Variants in CPNE9 observed in about 807,000 individuals in gnomAD.
The protein encoded by CPNE9 is copine family member 9.
Under a neutral mutation model 83.0 loss-of-function variants are expected in CPNE9, and 59 were observed. The observed-to-expected ratio is 0.71, with a 90% CI of 0.58 to 0.88. The LOEUF (loss-of-function observed/expected upper bound fraction) is 0.88. Ranked by LOEUF, CPNE9 falls within the 40% of genes least tolerant of loss-of-function variation. The pLI is 0.00. For synonymous variants in CPNE9, 256 were observed against 273.4 expected, an observed-to-expected ratio of 0.94 and a Z score of 0.63; for missense variants, 619 against 720.8, an observed-to-expected ratio of 0.86 and a Z score of 1.62.
intron 19 of CPNE9, 68 bp downstream of exon 19, chr3:9,726,790 C>T: frequency 7.2e-7 from 1 of 1,397,726 alleles, no homozygotes; most frequent in Admixed American, 1.7e-5. Flanking sequence ...GGGTCGGGTA[C>T]TTGGGCCTGC....
At chr3:9,718,717 G>A (rs1239894570) in intron 17 of CPNE9, 115 bp downstream of exon 17, 1 of 1,309,544 alleles carries the variant, frequency 7.6e-7, no homozygotes, top group Admixed American at 2.1e-5. Flanking sequence ...GTAAACAGGA[G>A]AGGCCAGGCA....
chr3:9,717,151 A>T, intron 15 of CPNE9, 47 bp downstream of exon 15: 1 of 1,602,108 alleles, frequency 6.2e-7, no homozygotes, highest in South Asian at 1.1e-5. Context: ...AGGCACTTCT[A>T]AGGGAGTCAT....
At chr3:9,705,072 G>A (rs566627718) in intron 4 of CPNE9, 78 bp downstream of exon 4, 7 of 994,214 alleles carry the variant, frequency 7.0e-6, no homozygotes, top group South Asian at 2.8e-5. Flanking sequence ...CCCCACCCCC[G>A]CCTCGCCTCC....
Position 9,707,352 on chromosome 3 carries a change from CAAAAAAAAAAAA to C in CPNE9, c.377+1301_377+1312del, listed in dbSNP as rs779965477. ...TGGGCAACAGAGCGAGATTCTGTCT[CAAAAAAAAAAAA>C]AAAAAAAAAAAGAATAAACCTTGGG... On this transcript the variant is annotated intron_variant, in intron 7 of 20. Transcript: ENST00000383832. Among the ~76,000 whole-genome samples, 4 of 50,976 alleles carry C rather than the reference CAAAAAAAAAAAA, an allele frequency of 7.8e-5. No homozygotes were observed. In the Admixed American group the frequency reaches 8.0e-4, roughly 10 times the overall value. The allele number at this position is 50,976 out of a possible 152,430, so 33.4% of individuals were successfully genotyped here.
rs1298848609 is a variant in CPNE9 at position 9,704,942 on chromosome 3, A to C, written c.208A>C (p.Lys70Gln). 1 of 1,613,436 alleles carries C rather than the reference A, an allele frequency of 6.2e-7. No homozygotes were observed. Among genetic ancestry groups the C allele is most frequent in the Non-Finnish European group, 8.5e-7 (1 of 1,179,912 alleles). ...DNTLNPDFVR[K>Q]FVLDYFFEEK... ...CACGCTGAACCCAGACTTCGTGCGC[A>C]AATTCGTCCTCGACTATTTCTTTGA... is the stretch of plus-strand genomic sequence containing the variant. The change falls in exon 4 of 21, where the codon AAA becomes CAA. Residue 70 changes from lysine (K) to glutamine (Q), a missense_variant. Lys to Gln is a moderately conservative substitution (Grantham distance 53). Around this residue, in one of 3 missense-constraint regions of CPNE9, gnomAD observed 130 missense variants for 117.5 expected, o/e 1.11. Transcript: ENST00000383832. This position sits in a 1 kb window ranked among gnomAD's most constrained non-coding sequence, Gnocchi z 7.1.
chr3:9,709,364 ATTTT>A (rs1199207151), intron 7 of CPNE9, among the ~76,000 whole-genome samples: 1 of 137,070 alleles, frequency 7.3e-6, no homozygotes, highest in Non-Finnish European at 1.6e-5. Flanking sequence ...TAAGTTTATA[ATTTT>A]TTTTTTTTTT....
At position 9,716,033 on chromosome 3, in the gene CPNE9, AG is replaced by A; in HGVS notation, c.884+1del. The A allele has an allele frequency of 6.2e-7, 1 of 1,608,196 alleles. No individual in the cohort carries two copies. The highest frequency in any genetic ancestry group is 1.7e-5 in the Admixed American group (1 of 59,390). On this transcript the variant is annotated frameshift_variant and splice_region_variant, in exon 14 of 21. Coordinates refer to ENST00000383832, the MANE Select transcript of CPNE9 (RefSeq NM_153635.3). LOFTEE classifies it high-confidence loss of function. ...TCACTTTTGTTGATTACATCAAGGG[AG>A]GGTGAGTCACAGGCCAAGCTCTGGG... ...EFTFVDYIKGGTQLNFTVAID... is the reference protein window; with the variant it reads ...EFTFVDYIKGXTQLNFTVAID...
At chr3:9,705,681 C>T (rs758124402) in intron 5 of CPNE9, 37 bp from the exon 6 acceptor site, 4 of 1,613,694 alleles carry the variant, frequency 2.5e-6, no homozygotes, top group Non-Finnish European at 3.4e-6. Context: ...ACTCACTGTT[C>T]CTCTTCCTTC....
chr3:9,728,726 GTTT>G lies in CPNE9; in HGVS notation c.1477-775_1477-773del, dbSNP rs1037231311. Among the ~76,000 whole-genome samples the G allele has an allele frequency of 3.3e-5, 5 of 151,906 alleles. No individual in the cohort carries two copies. In the East Asian group the frequency reaches 7.7e-4, roughly 23 times the overall value. Reference sequence around the variant, plus strand: ...AGTCATTAGAAACAGATTTTCTTTTGTTTTTTTTCTCCCTTATCAGCCCCTCTC... The same window carrying G: ...AGTCATTAGAAACAGATTTTCTTTTGTTTTTCTCCCTTATCAGCCCCTCTC... On this transcript the variant is annotated intron_variant, in intron 20 of 20. Coordinates refer to ENST00000383832, the MANE Select transcript of CPNE9 (RefSeq NM_153635.3).
In CPNE9 at chr3:9,726,655, TC is replaced by T; in HGVS notation, c.1345-6del. 1.2e-6 allele frequency: 2 copies of T among 1,612,568 alleles called. No individual in the cohort carries two copies. The highest frequency in any genetic ancestry group is 2.2e-5 in the South Asian group (2 of 91,032). ...GCTTGCCCCAACAGTTCACCCTCTT[TC>T]CCCTACAGGCCTCCTCATTGCCCAT... On this transcript the variant is annotated splice_polypyrimidine_tract_variant and intron_variant, in intron 18 of 20. Coordinates refer to ENST00000383832, the MANE Select transcript of CPNE9 (RefSeq NM_153635.3).
chr3:9,705,588 G>A, intron 5 of CPNE9, 88 bp downstream of exon 5: 1 of 1,562,998 alleles, frequency 6.4e-7, no homozygotes, highest in Non-Finnish European at 8.8e-7. Context: ...CCCAACCCTC[G>A]ACCCAGACCC....
chr3:9,726,534 G>A lies in CPNE9; in HGVS notation c.1345-131G>A, dbSNP rs140753443. 83 of 699,294 alleles carry A rather than the reference G, an allele frequency of 1.2e-4. 1 individual carries two copies. The African/African-American group carries it at 1.3e-3, about 11-fold the overall frequency. The allele number at this position is 699,294 out of a possible 1,614,324, so 43.3% of individuals were successfully genotyped here. Reference sequence around the variant, plus strand: ...ATCCTTGAAAAAGTAGTCTGGGGCAGAGAAAATCAAGGTGCCTCTGCTTAC... The same window carrying A: ...ATCCTTGAAAAAGTAGTCTGGGGCAAAGAAAATCAAGGTGCCTCTGCTTAC... On this transcript the variant is annotated intron_variant, in intron 18 of 20. Coordinates refer to ENST00000383832, the MANE Select transcript of CPNE9 (RefSeq NM_153635.3).
intron 7 of CPNE9, among the ~76,000 whole-genome samples, chr3:9,707,352 CAAAAAAAAAAAAAAA>C (rs779965477): frequency 2.0e-5 from 1 of 50,976 alleles, no homozygotes; most frequent in Admixed American, 2.7e-4. Context: ...GATTCTGTCT[CAAAAAAAAAAAAAAA>C]AAAAAAAAGA....
chr3:9,711,396 T>C (rs1007809083), intron 7 of CPNE9, among the ~76,000 whole-genome samples: 7 of 151,932 alleles, frequency 4.6e-5, no homozygotes, highest in Admixed American at 2.6e-4. Flanking sequence ...TTTGCAGTTT[T>C]AGAAGAGATG....
chr3:9,709,840 A>C (rs2076608085), intron 7 of CPNE9, among the ~76,000 whole-genome samples: 1 of 151,804 alleles, frequency 6.6e-6, no homozygotes, highest in Non-Finnish European at 1.5e-5. Flanking sequence ...AAATACAAAA[A>C]TTAACTGGGC....
At chr3:9,729,300 A>G (rs1468707992) in intron 20 of CPNE9, among the ~76,000 whole-genome samples, 1 of 152,208 alleles carries the variant, frequency 6.6e-6, no homozygotes, top group Non-Finnish European at 1.5e-5. Context: ...TGTGAAGCCA[A>G]ACTGGAGTGG....
At chr3:9,723,509 C>G (rs2076751529) in intron 17 of CPNE9, among the ~76,000 whole-genome samples, 1 of 151,986 alleles carries the variant, frequency 6.6e-6, no homozygotes, top group Admixed American at 6.6e-5. Context: ...ATGACCCACT[C>G]CCACTCTGGG....
rs757700722 is a variant in CPNE9, at chr3:9,718,103, G to A, written c.1006G>A (p.Ala336Thr). The change falls in exon 16 of 21, where the codon GCA becomes ACA. Residue 336 changes from alanine (A) to threonine (T), a missense_variant. Around this residue, in one of 3 missense-constraint regions of CPNE9, gnomAD observed 438 missense variants for 562.9 expected, o/e 0.78. Coordinates refer to ENST00000383832, the MANE Select transcript of CPNE9 (RefSeq NM_153635.3). Reference sequence around the variant, plus strand: ...CAGCGCCTATGCCATGGCCCTCAAGGCAGTGGGAGAGATCATCCAGGACTA... The same window carrying A: ...CAGCGCCTATGCCATGGCCCTCAAGACAGTGGGAGAGATCATCCAGGACTA... ...QLSAYAMALK[A>T]VGEIIQDYDS... The A allele has an allele frequency of 6.2e-7, 1 of 1,614,104 alleles. No individual in the cohort carries two copies. Among genetic ancestry groups the A allele is most frequent in the South Asian group, 1.1e-5 (1 of 91,092 alleles).
Position 9,704,345 on chromosome 3 carries a change from T to C in CPNE9, c.69-242T>C, listed in dbSNP as rs2076537915. ...GGACAAAGTTCTGGGGCGAGCCCTC[T>C]TTCCTGGGCCCTTGGAGACAGTGTG... On this transcript the variant is annotated intron_variant, in intron 1 of 20. Coordinates refer to ENST00000383832, the MANE Select transcript of CPNE9 (RefSeq NM_153635.3). The surrounding 1 kb of genome is among the most constrained non-coding windows in gnomAD (Gnocchi z 7.1). Among the ~76,000 whole-genome samples the C allele has an allele frequency of 6.6e-6, 1 of 152,206 alleles. No individual in the cohort carries two copies. The highest frequency in any genetic ancestry group is 2.4e-5 in the African/African-American group (1 of 41,450).
Sources: gnomAD v4.1 joint callset for allele counts (sites outside exome capture counted in the v4.1 genomes callset) on GRCh38, gnomAD v4.1.1 for gene constraint, gnomAD v4.1.1 regional missense constraint, Gnocchi (gnomAD v3.1) non-coding constraint, MANE v1.5 for transcripts, NCBI Gene and HGNC (gene_info 2026-07-23, HGNC 2026-07-21) for gene names.